Variants in PDZD2 observed in about 807,000 individuals in gnomAD.
PDZD2 encodes the protein PDZ domain-containing protein 2.
Under a neutral mutation model 220.7 loss-of-function variants are expected in PDZD2, and 90 were observed. The observed-to-expected ratio is 0.41, with a 90% CI of 0.34 to 0.49. The LOEUF is 0.49. PDZD2 is among the 20% of genes least tolerant of loss of function. The pLI is 0.28. For synonymous variants in PDZD2, 1,375 were observed against 1,450.5 expected (o/e 0.95, Z 1.18); for missense variants, 3,174 against 3,608.5 (o/e 0.88, Z 3.08).
At chr5:32,059,446 AG>A (rs1351935364) in intron 13 of PDZD2, 90 bp downstream of exon 13, 1 of 603,406 alleles carries the variant, frequency 1.7e-6, no homozygotes, top group Non-Finnish European at 2.9e-6. Context: ...CTTCCCTTTG[AG>A]GGATGTTGAA....
chr5:32,107,968 G>C lies in PDZD2; in HGVS notation c.8354-1G>C. 1 of 1,609,976 alleles carries C rather than the reference G, an allele frequency of 6.2e-7. No individual in the cohort carries two copies. Among genetic ancestry groups the C allele is most frequent in the Non-Finnish European group, 8.5e-7 (1 of 1,176,860 alleles). ...TAATTATTCTGTGTTTATTCTCGTA[G>C]GTGGTGCGGCTGAACAAGCTGGAAT... On this transcript the variant is annotated splice_acceptor_variant, in intron 24 of 24. Transcript: ENST00000438447. LOFTEE classifies it high-confidence loss of function.
chr5:31,913,256 G>T (rs1056127870), intron 2 of PDZD2, among the ~76,000 whole-genome samples: 4 of 151,744 alleles, frequency 2.6e-5, no homozygotes, highest in Non-Finnish European at 5.9e-5. Context: ...CACAACAATT[G>T]CTTGAACCTG....
intron 2 of PDZD2, among the ~76,000 whole-genome samples, chr5:31,850,498 C>T (rs1757992292): frequency 6.6e-6 from 1 of 151,804 alleles, no homozygotes; most frequent in Non-Finnish European, 1.5e-5. Flanking sequence ...CTCACTTCTG[C>T]TTAAACATGC....
chr5:31,986,076 CAAAA>C (rs55659088), intron 3 of PDZD2, among the ~76,000 whole-genome samples: 2 of 102,708 alleles, frequency 1.9e-5, no homozygotes, highest in Non-Finnish European at 1.9e-5. Flanking sequence ...ACTCTTGTCT[CAAAA>C]AAAAAAAAAA....
At chr5:31,851,231 C>G (rs140048252) in intron 2 of PDZD2, among the ~76,000 whole-genome samples, 156 of 152,274 alleles carry the variant, frequency 1.0e-3, no homozygotes, top group Non-Finnish European at 1.5e-3. Context: ...CCCCACCCCC[C>G]ACAACCCACC....
chr5:32,096,701 A>G (rs1652902216), intron 21 of PDZD2, among the ~76,000 whole-genome samples: 1 of 152,016 alleles, frequency 6.6e-6, no homozygotes, highest in Non-Finnish European at 1.5e-5. Context: ...TGGCCTTGAT[A>G]TGCTCTTATC....
chr5:31,990,367 C>T (rs1751113092), intron 3 of PDZD2, among the ~76,000 whole-genome samples: 1 of 152,184 alleles, frequency 6.6e-6, no homozygotes, highest in Non-Finnish European at 1.5e-5. Context: ...GGTAACACTC[C>T]AACAACATTA....
At chr5:31,935,558 A>G (rs1393108920) in intron 2 of PDZD2, among the ~76,000 whole-genome samples, 3 of 152,214 alleles carry the variant, frequency 2.0e-5, no homozygotes, top group African/African-American at 7.2e-5. Context: ...TGGTGTCATC[A>G]AGACAAATGG....
At position 32,108,745 on chromosome 5, in the gene PDZD2, A is replaced by C. The variant is rs1468923604; in HGVS notation, c.*610A>C. On this transcript the variant is annotated 3_prime_UTR_variant, in exon 25 of 25. Transcript: ENST00000438447. ...CCAAAAAGGAAAAAGCAAAATAATT[A>C]ATTGAGAGTATTTTTTAGTGAGTGT... is the stretch of plus-strand genomic sequence containing the variant. The C allele has an allele frequency of 6.5e-6, 1 of 152,696 alleles. No individual in the cohort carries two copies. The highest frequency in any genetic ancestry group is 1.5e-5 in the Non-Finnish European group (1 of 68,050). 9.5% of individuals were successfully genotyped at this position (152,696 alleles called of 1,614,324 possible). A position where few individuals can be genotyped will look rare whatever the true frequency, so the allele number is the denominator to read the frequency against.
intron 19 of PDZD2, among the ~76,000 whole-genome samples, chr5:32,086,267 C>A (rs529272096): frequency 5.9e-5 from 9 of 152,330 alleles, no homozygotes; most frequent in African/African-American, 1.7e-4. Flanking sequence ...CAAACCCACA[C>A]ACCACTGGCC....
chr5:32,003,536 A>G lies in PDZD2; in HGVS notation c.1254+3265A>G, dbSNP rs553833573. Among the ~76,000 whole-genome samples the G allele has an allele frequency of 1.2e-3, 179 of 148,422 alleles. 1 individual carries two copies. The highest frequency in any genetic ancestry group is 4.1e-3 in the African/African-American group (162 of 39,944). On this transcript the variant is annotated intron_variant, in intron 5 of 24. Transcript: ENST00000438447. ...CACACATACACACACACGCACACAC[A>G]CACACAGAGGCATGTGTCTGCAGAG...
intron 1 of PDZD2, among the ~76,000 whole-genome samples, chr5:31,761,860 CAAAA>C (rs112422855): frequency 7.9e-6 from 1 of 126,636 alleles, no homozygotes. Context: ...AACTACATCT[CAAAA>C]AAAAAAAAAA....
intron 7 of PDZD2, among the ~76,000 whole-genome samples, chr5:32,042,686 G>A (rs547243500): frequency 1.3e-5 from 2 of 152,320 alleles, no homozygotes; most frequent in African/African-American, 2.4e-5. Flanking sequence ...ATTGGGGACC[G>A]AAAGGAGTGG....
chr5:32,002,096 C>T (rs1035219069), intron 5 of PDZD2, among the ~76,000 whole-genome samples: 7 of 152,148 alleles, frequency 4.6e-5, no homozygotes, highest in African/African-American at 1.7e-4. Flanking sequence ...TGCTGATTTT[C>T]GGAGTATTGA....
At chr5:32,068,184 T>A (rs1200925954) in intron 14 of PDZD2, among the ~76,000 whole-genome samples, 1 of 152,062 alleles carries the variant, frequency 6.6e-6, no homozygotes, top group South Asian at 2.1e-4. Flanking sequence ...ATGAGGAAAC[T>A]ATCAGACAGA....
chr5:31,918,009 G>A (rs1171085366), intron 2 of PDZD2, among the ~76,000 whole-genome samples: 3 of 152,202 alleles, frequency 2.0e-5, no homozygotes, highest in Non-Finnish European at 2.9e-5. Context: ...TTCTGCTTCT[G>A]GGGAGGCCTC....
intron 18 of PDZD2, among the ~76,000 whole-genome samples, chr5:32,076,156 T>G (rs1405304782): frequency 6.6e-6 from 1 of 151,960 alleles, no homozygotes; most frequent in African/African-American, 2.4e-5. Context: ...TGTGGTGGTG[T>G]GCACCTGTAA....
intron 2 of PDZD2, among the ~76,000 whole-genome samples, chr5:31,932,618 A>G (rs917603290): frequency 3.3e-5 from 5 of 152,132 alleles, no homozygotes; most frequent in African/African-American, 9.7e-5. Flanking sequence ...ACTTAATATA[A>G]AAGTTCTCAT....
rs1353489412 is a variant in PDZD2 at position 31,639,521 on chromosome 5, G to A, written c.-361+84G>A. The A allele has an allele frequency of 6.6e-6, 1 of 152,046 alleles. No homozygotes were observed. Among genetic ancestry groups the A allele is most frequent in the Non-Finnish European group, 1.5e-5 (1 of 67,956 alleles). 9.4% of individuals were successfully genotyped at this position (152,046 alleles called of 1,614,324 possible). On this transcript the variant is annotated intron_variant, in intron 1 of 24. Transcript: ENST00000438447. This position sits in a 1 kb window ranked among gnomAD's most constrained non-coding sequence, Gnocchi z 4.1. The stretch of plus-strand genomic sequence containing the variant: ...GGAGGCCCGGCACCCCCGAGACCGT[G>A]TGTGCCCAGGAAAGTTTAGCTACAA...
Sources: allele counts gnomAD v4.1 joint callset (sites outside exome capture counted in the v4.1 genomes callset), GRCh38; gene constraint gnomAD v4.1.1; non-coding constraint Gnocchi (gnomAD v3.1); transcripts MANE v1.5; gene names NCBI Gene and HGNC (gene_info 2026-07-23, HGNC 2026-07-21).